NIBAN2: variants seen among roughly 807,000 people sequenced by gnomAD.
NIBAN2 encodes protein Niban 2.
Under a neutral mutation model 81.8 loss-of-function variants are expected in NIBAN2, and 36 were observed. The observed-to-expected ratio is 0.44, with a 90% CI of 0.34 to 0.58. The LOEUF is 0.58. Among genes scored for constraint, NIBAN2 ranks in the 20% least tolerant of loss-of-function variants. The probability of loss-of-function intolerance (pLI) is 0.02; values close to 1 mark genes in which losing one functional copy is unlikely to be tolerated. For synonymous variants in NIBAN2, 445 were observed against 441.6 expected (o/e 1.01, Z -0.10); for missense variants, 897 against 1,014.1 (o/e 0.88, Z 1.57).
chr9:127,542,530 A>G (rs1837398718), intron 1 of NIBAN2, among the ~76,000 whole-genome samples: 2 of 152,186 alleles, frequency 1.3e-5, no homozygotes, highest in South Asian at 4.1e-4. Flanking sequence ...AAGCCCCCAC[A>G]CACCCCGGAG....
In NIBAN2 at chr9:127,531,810, T is replaced by A. The variant is rs1053627323; in HGVS notation, c.56-32A>T. The A allele has an allele frequency of 6.2e-6, 10 of 1,612,882 alleles. No individual in the cohort carries two copies. In the East Asian group the frequency reaches 1.1e-4, roughly 18 times the overall value. ...GAGAAGGACAAGCAGGAGCTTGAGG[T>A]CCTCAGGGATGCTGATGCATCACGA... On this transcript the variant is annotated intron_variant, in intron 1 of 13. Transcript: ENST00000373312.
intron 1 of NIBAN2, among the ~76,000 whole-genome samples, chr9:127,555,515 T>A (rs552218241): frequency 2.6e-5 from 4 of 152,270 alleles, no homozygotes; most frequent in Non-Finnish European, 5.9e-5. Flanking sequence ...CTGGGCCTCC[T>A]GAACAGCATT....
chr9:127,506,646 A>G lies in NIBAN2; in HGVS notation c.*199T>C. On this transcript the variant is annotated 3_prime_UTR_variant, in exon 14 of 14. Coordinates refer to ENST00000373312, the MANE Select transcript of NIBAN2 (RefSeq NM_022833.4). ...CCCTGCATCTGAGATCATCCCACAGAAGAGAAAACAGGGAGCAAGAAAGTG... is the reference window on the plus strand; with the variant it reads ...CCCTGCATCTGAGATCATCCCACAGGAGAGAAAACAGGGAGCAAGAAAGTG... The G allele has an allele frequency of 2.2e-6, 1 of 461,806 alleles. No individual in the cohort carries two copies. Among genetic ancestry groups the G allele is most frequent in the South Asian group, 5.7e-5 (1 of 17,456 alleles). The allele number at this position is 461,806 out of a possible 1,614,324, so 28.6% of individuals were successfully genotyped here. A position where few individuals can be genotyped will look rare whatever the true frequency, so the allele number is the denominator to read the frequency against.
chr9:127,553,992 C>T (rs974810864), intron 1 of NIBAN2, among the ~76,000 whole-genome samples: 3 of 152,190 alleles, frequency 2.0e-5, no homozygotes, highest in Admixed American at 1.3e-4. Context: ...CCCCCACCCA[C>T]GCCCGGCCTT....
intron 5 of NIBAN2, among the ~76,000 whole-genome samples, chr9:127,521,995 T>A (rs573703592): frequency 6.6e-6 from 1 of 152,312 alleles, no homozygotes; most frequent in Admixed American, 6.5e-5. Context: ...CTTCCCTATC[T>A]GGCGCAGGTC....
chr9:127,518,270 G>T (rs916052151), intron 5 of NIBAN2, among the ~76,000 whole-genome samples: 1 of 152,172 alleles, frequency 6.6e-6, no homozygotes, highest in African/African-American at 2.4e-5. Flanking sequence ...ACCGTTAGGG[G>T]ACAGGCCACG....
intron 2 of NIBAN2, among the ~76,000 whole-genome samples, chr9:127,530,868 G>T (rs73599541): frequency 0.023 from 3,462 of 152,168 alleles, 120 homozygotes; most frequent in African/African-American, 0.079. Flanking sequence ...CACGACCTGG[G>T]TTACCCACCT....
intron 5 of NIBAN2, among the ~76,000 whole-genome samples, chr9:127,520,270 ACT>A (rs1422023237): frequency 9.7e-5 from 12 of 123,690 alleles, no homozygotes; most frequent in Non-Finnish European, 1.9e-4. Flanking sequence ...GAAGAGTCTT[ACT>A]CTGTCGCCCA....
At chr9:127,523,092 A>G (rs1209792654) in intron 5 of NIBAN2, among the ~76,000 whole-genome samples, 1 of 147,526 alleles carries the variant, frequency 6.8e-6, no homozygotes, top group Non-Finnish European at 1.5e-5. Flanking sequence ...GAGTCACCCC[A>G]TAAGTTTACA....
intron 1 of NIBAN2, among the ~76,000 whole-genome samples, chr9:127,567,261 A>G (rs1300709566): frequency 6.6e-6 from 1 of 152,094 alleles, no homozygotes; most frequent in East Asian, 1.9e-4. Context: ...GGGCCTCAAC[A>G]GGAGGTCCTG....
chr9:127,509,492 A>G (rs536780698), intron 9 of NIBAN2, among the ~76,000 whole-genome samples: 8 of 152,282 alleles, frequency 5.3e-5, no homozygotes, highest in South Asian at 2.1e-4. Context: ...CTGCTCTCCA[A>G]GGTCCTCTCC....
intron 1 of NIBAN2, among the ~76,000 whole-genome samples, chr9:127,535,218 G>C (rs1837253110): frequency 6.6e-6 from 1 of 152,232 alleles, no homozygotes; most frequent in Non-Finnish European, 1.5e-5. Context: ...GGCCCTCACG[G>C]AGCAGGCCCT....
chr9:127,547,991 C>G (rs968593466), intron 1 of NIBAN2, among the ~76,000 whole-genome samples: 1 of 152,206 alleles, frequency 6.6e-6, no homozygotes, highest in East Asian at 1.9e-4. Flanking sequence ...CTCGAAGGAG[C>G]TCCATCTGTC....
intron 1 of NIBAN2, among the ~76,000 whole-genome samples, chr9:127,567,356 A>C (rs1373582187): frequency 6.6e-6 from 1 of 152,190 alleles, no homozygotes; most frequent in Non-Finnish European, 1.5e-5. Context: ...TCCTCCTCCC[A>C]CAGTCCAGGC....
Position 127,508,093 on chromosome 9 carries a change from C to T in NIBAN2, c.1542G>A (p.Ser514=), listed in dbSNP as rs1234781962. Residue 514 remains serine, a splice_region_variant and synonymous_variant, in exon 12 of 14, where the codon TCG becomes TCA. Transcript: ENST00000373312. The surrounding 1 kb of genome is among the most constrained non-coding windows in gnomAD (Gnocchi z 6.4). ...LLKKLAPTCK[S]ELPRFQELIF... is the part of the protein sequence containing the mutation. ...GCTGGAGCAGGTGGGGGCTGCTCAC[C>T]GACTTGCAGGTAGGGGCCAGCTTCT... 1.1e-5 allele frequency: 17 copies of T among 1,613,436 alleles called. No homozygotes were observed. Among genetic ancestry groups the T allele is most frequent in the Non-Finnish European group, 1.4e-5 (17 of 1,179,752 alleles).
At chr9:127,564,456 C>T (rs1837823596) in intron 1 of NIBAN2, among the ~76,000 whole-genome samples, 1 of 152,008 alleles carries the variant, frequency 6.6e-6, no homozygotes, top group Non-Finnish European at 1.5e-5. Flanking sequence ...GTAGACAAAC[C>T]ATCCATGCAC....
chr9:127,535,500 C>T (rs1837258779), intron 1 of NIBAN2, among the ~76,000 whole-genome samples: 2 of 152,048 alleles, frequency 1.3e-5, no homozygotes, highest in African/African-American at 2.4e-5. Flanking sequence ...GGAAGGGAGA[C>T]ATGGGAGTGC....
chr9:127,522,311 C>T (rs1564300886), intron 5 of NIBAN2, among the ~76,000 whole-genome samples: 1 of 152,182 alleles, frequency 6.6e-6, no homozygotes. Flanking sequence ...CCCACGGCAG[C>T]AGCCCAGAGG....
chr9:127,508,062 C>T lies in NIBAN2; in HGVS notation c.1542+31G>A, dbSNP rs769449421. 1.2e-6 allele frequency: 2 copies of T among 1,612,056 alleles called. No individual in the cohort carries two copies. The highest frequency in any genetic ancestry group is 1.7e-6 in the Non-Finnish European group (2 of 1,178,280). Reference sequence around the variant, plus strand: ...GGGCTCCATCCCCCAACTTAGGGCCCAAACGGCTGGAGCAGGTGGGGGCTG... The same window carrying T: ...GGGCTCCATCCCCCAACTTAGGGCCTAAACGGCTGGAGCAGGTGGGGGCTG... On this transcript the variant is annotated intron_variant, in intron 12 of 13. Coordinates refer to ENST00000373312, the MANE Select transcript of NIBAN2 (RefSeq NM_022833.4). This position sits in a 1 kb window ranked among gnomAD's most constrained non-coding sequence, Gnocchi z 6.4.
Sources: gnomAD v4.1 joint callset for allele counts (sites outside exome capture counted in the v4.1 genomes callset) on GRCh38, gnomAD v4.1.1 for gene constraint, Gnocchi (gnomAD v3.1) non-coding constraint, MANE v1.5 for transcripts, NCBI Gene and HGNC (gene_info 2026-07-23, HGNC 2026-07-21) for gene names.